Variants in KPNA6 observed in about 807,000 individuals in gnomAD.
KPNA6 encodes the protein karyopherin subunit alpha 6, also known as importin subunit alpha-7.
A neutral mutation model predicts 72.0 loss-of-function variants in KPNA6; 9 were observed. That is an observed-to-expected ratio of 0.13 (90% CI 0.08 to 0.22). KPNA6 has a LOEUF of 0.22. KPNA6 is among the 10% of genes least tolerant of loss of function. The pLI, the probability that KPNA6 is intolerant of heterozygous loss-of-function variation, is 1.00. For missense variants in KPNA6, 374 were observed against 655.7 expected (o/e 0.57, Z 4.69); for synonymous variants, 219 against 242.1 (o/e 0.90, Z 0.89).
In KPNA6 at chr1:32,173,786, C is replaced by T. The variant is rs1188345875; in HGVS notation, c.*2892C>T. On this transcript the variant is annotated 3_prime_UTR_variant, in exon 14 of 14. Transcript: ENST00000373625. ...ATTGCCAGGATGGAGCCCCTCTACC[C>T]CAGTCTGCTGTAGGGAATACCCTAA... 1 of 152,226 alleles carries T rather than the reference C, an allele frequency of 6.6e-6. No individual in the cohort carries two copies. The highest frequency in any genetic ancestry group is 2.4e-5 in the African/African-American group (1 of 41,432). The allele number at this position is 152,226 out of a possible 1,614,324, so 9.4% of individuals were successfully genotyped here. A position where few individuals can be genotyped will look rare whatever the true frequency, so the allele number is the denominator to read the frequency against.
At chr1:32,119,175 C>A (rs1198298581) in intron 1 of KPNA6, among the ~76,000 whole-genome samples, 1 of 150,834 alleles carries the variant, frequency 6.6e-6, no homozygotes, top group Non-Finnish European at 1.5e-5. Context: ...GGATTACAGG[C>A]ATCCACAACC....
At chr1:32,117,772 T>G (rs1641354018) in intron 1 of KPNA6, among the ~76,000 whole-genome samples, 4 of 152,176 alleles carry the variant, frequency 2.6e-5, no homozygotes, top group Admixed American at 1.3e-4. Context: ...TTTCAGTAAC[T>G]TGGGCAAATT....
chr1:32,130,689 G>T (rs994028963), intron 1 of KPNA6, among the ~76,000 whole-genome samples: 1 of 151,816 alleles, frequency 6.6e-6, no homozygotes, highest in East Asian at 1.9e-4. Flanking sequence ...AGGAGGCTGA[G>T]GTGGGTGAAT....
intron 11 of KPNA6, 27 bp from the exon 12 acceptor site, chr1:32,167,142 A>G (rs756623708): frequency 1.2e-6 from 2 of 1,609,690 alleles, no homozygotes; most frequent in Admixed American, 3.3e-5. Flanking sequence ...TTCTCCTTCC[A>G]TCTGCCTCCT....
intron 1 of KPNA6, among the ~76,000 whole-genome samples, chr1:32,138,171 G>A (rs1641772023): frequency 6.6e-6 from 1 of 151,936 alleles, no homozygotes; most frequent in Non-Finnish European, 1.5e-5. Context: ...GCAGAAACTG[G>A]TTTAAAGAGA....
chr1:32,134,749 G>A (rs1317822514), intron 1 of KPNA6, among the ~76,000 whole-genome samples: 4 of 151,964 alleles, frequency 2.6e-5, no homozygotes, highest in African/African-American at 9.7e-5. Context: ...ACCACATATT[G>A]TATGGTTCTA....
chr1:32,155,908 T>G (rs2124063745), intron 2 of KPNA6, among the ~76,000 whole-genome samples: 1 of 148,264 alleles, frequency 6.7e-6, no homozygotes. Context: ...CCGGCTAATT[T>G]TTGTGGATTT....
chr1:32,142,133 G>T lies in KPNA6; in HGVS notation c.5-12455G>T, dbSNP rs889463629. On this transcript the variant is annotated intron_variant, in intron 1 of 13. Transcript: ENST00000373625. ...TAGCCAGGCGTGCTGGCCCGCACCT[G>T]TAATCCCAGCTACTCAGGAGGCTGA... 2.6e-5 allele frequency among the ~76,000 whole-genome samples: 4 copies of T among 151,928 alleles called. No homozygotes were observed. The East Asian group carries it at 7.8e-4, about 29-fold the overall frequency.
At chr1:32,128,426 T>TACACACAC (rs1230804875) in intron 1 of KPNA6, among the ~76,000 whole-genome samples, 20 of 99,172 alleles carry the variant, frequency 2.0e-4, no homozygotes, top group African/African-American at 8.1e-4. Flanking sequence ...TATATATATA[T>TACACACAC]ACACACACAC....
chr1:32,156,318 GT>G (rs1001898133), intron 2 of KPNA6, among the ~76,000 whole-genome samples: 2 of 151,406 alleles, frequency 1.3e-5, no homozygotes, highest in African/African-American at 4.9e-5. Context: ...CATATACTAT[GT>G]TTTTTTTCAT....
At chr1:32,114,451 A>AAAAT (rs982175711) in intron 1 of KPNA6, among the ~76,000 whole-genome samples, 21 of 145,560 alleles carry the variant, frequency 1.4e-4, no homozygotes, top group African/African-American at 3.5e-4. Flanking sequence ...CAAAAAAAAA[A>AAAAT]ATATATATAT....
rs1403756653 is a variant in KPNA6 at position 32,173,529 on chromosome 1, C to A, written c.*2635C>A. On this transcript the variant is annotated 3_prime_UTR_variant, in exon 14 of 14. Transcript: ENST00000373625. ...GGCCTCCAGGAGCTTTCATTTATGT[C>A]TTCTCCAGACCAGGTTTTCCTGTTA... is the stretch of plus-strand genomic sequence containing the variant. 1 of 159,660 alleles carries A rather than the reference C, an allele frequency of 6.3e-6. No homozygotes were observed. The highest frequency in any genetic ancestry group is 2.4e-5 in the African/African-American group (1 of 41,778). The allele number at this position is 159,660 out of a possible 1,614,324, so 9.9% of individuals were successfully genotyped here.
chr1:32,116,672 TG>T (rs1641334487), intron 1 of KPNA6, among the ~76,000 whole-genome samples: 2 of 152,204 alleles, frequency 1.3e-5, no homozygotes, highest in Non-Finnish European at 2.9e-5. Flanking sequence ...ACTTTTCCTT[TG>T]CATTCACAGC....
chr1:32,120,867 CCTT>C (rs1376137916), intron 1 of KPNA6, among the ~76,000 whole-genome samples: 12 of 139,668 alleles, frequency 8.6e-5, no homozygotes, highest in East Asian at 2.3e-4. Context: ...AGACGGAGTT[CCTT>C]CTTTTTTTTT....
At chr1:32,119,008 ATATATATATATATATATATATATATT>A (rs1187893982) in intron 1 of KPNA6, among the ~76,000 whole-genome samples, 1 of 65,254 alleles carries the variant, frequency 1.5e-5, no homozygotes, top group South Asian at 6.2e-4. Context: ...ATATATATAT[ATATATATATATATATATATATATATT>A]TTTTTTTTTT....
chr1:32,146,410 A>C (rs908891288), intron 1 of KPNA6, among the ~76,000 whole-genome samples: 2 of 152,168 alleles, frequency 1.3e-5, no homozygotes, highest in African/African-American at 4.8e-5. Flanking sequence ...TCATGTAGCT[A>C]TTCCAGCTCT....
At chr1:32,158,383 T>C in intron 5 of KPNA6, 22 bp downstream of exon 5, 2 of 1,508,444 alleles carry the variant, frequency 1.3e-6, no homozygotes, top group Non-Finnish European at 1.8e-6. Context: ...AGGGAAGGGG[T>C]TTGTTTTGTC....
chr1:32,139,410 G>GC (rs1257407545), intron 1 of KPNA6, among the ~76,000 whole-genome samples: 1 of 152,148 alleles, frequency 6.6e-6, no homozygotes, highest in Admixed American at 6.6e-5. Flanking sequence ...ACAGTATGAA[G>GC]CACACAGCAT....
chr1:32,154,798 G>T lies in KPNA6; in HGVS notation c.138+77G>T, dbSNP rs144842301. On this transcript the variant is annotated intron_variant, in intron 2 of 13. Coordinates refer to ENST00000373625, the MANE Select transcript of KPNA6 (RefSeq NM_012316.5). ...ATGGTTGGCCTCCACCATGCACCCT[G>T]ACTTGCCCTGTAGAAAAGTAGCTTA... 1.7e-3 allele frequency: 2,493 copies of T among 1,499,058 alleles called. 5 individuals carry two copies. Among genetic ancestry groups the T allele is most frequent in the Non-Finnish European group, 2.1e-3 (2,291 of 1,091,024 alleles). 92.9% of individuals were successfully genotyped at this position (1,499,058 alleles called of 1,614,324 possible). A position where few individuals can be genotyped will look rare whatever the true frequency, so the allele number is the denominator to read the frequency against.
Sources: gnomAD v4.1 joint callset for allele counts (sites outside exome capture counted in the v4.1 genomes callset) on GRCh38, gnomAD v4.1.1 for gene constraint, MANE v1.5 for transcripts, NCBI Gene and HGNC (gene_info 2026-07-23, HGNC 2026-07-21) for gene names.